Variants in RIPK2 observed in about 807,000 individuals in gnomAD.
The protein encoded by RIPK2 is receptor-interacting serine/threonine-protein kinase 2.
RIPK2 carries 38 observed loss-of-function variants against 60.9 expected under a neutral mutation model. The ratio of observed to expected loss-of-function variants is 0.62; its 90% CI spans 0.48 to 0.82. The LOEUF is 0.82. Ranked by LOEUF, RIPK2 falls within the 40% of genes least tolerant of loss-of-function variation. RIPK2 has a pLI of 0.00. For synonymous variants in RIPK2, 225 were observed against 223.4 expected, an observed-to-expected ratio of 1.01 and a Z score of -0.06; for missense variants, 518 against 647.0, an observed-to-expected ratio of 0.80 and a Z score of 2.16.
Position 89,757,820 on chromosome 8 carries a change from C to G in RIPK2, c.-241C>G. On this transcript the variant is annotated 5_prime_UTR_variant, in exon 1 of 11. Coordinates refer to ENST00000220751, the MANE Select transcript of RIPK2 (RefSeq NM_003821.6). ...GGGGCTGCGAGAGAGGAAGCTCTTTCGCGGCGCTACGGCGTTGGCACCAGT... is the reference window on the plus strand; with the variant it reads ...GGGGCTGCGAGAGAGGAAGCTCTTTGGCGGCGCTACGGCGTTGGCACCAGT... 1.6e-6 allele frequency: 2 copies of G among 1,252,066 alleles called. No individual in the cohort carries two copies. The highest frequency in any genetic ancestry group is 3.3e-5 in the East Asian group (1 of 30,680). 77.6% of individuals were successfully genotyped at this position (1,252,066 alleles called of 1,614,324 possible). A position where few individuals can be genotyped will look rare whatever the true frequency, so the allele number is the denominator to read the frequency against.
At chr8:89,764,567 C>A (rs1428393055) in intron 2 of RIPK2, among the ~76,000 whole-genome samples, 1 of 152,112 alleles carries the variant, frequency 6.6e-6, no homozygotes, top group Non-Finnish European at 1.5e-5. Context: ...AAAGTATGTT[C>A]ATTCTCCTGG....
At chr8:89,774,330 T>G (rs1586125594) in intron 6 of RIPK2, among the ~76,000 whole-genome samples, 1 of 152,152 alleles carries the variant, frequency 6.6e-6, no homozygotes, top group East Asian at 1.9e-4. Flanking sequence ...AAATGCAAAT[T>G]AAAACTGCAA....
At chr8:89,789,257 C>A in intron 9 of RIPK2, 64 bp from the exon 10 acceptor site, 1 of 1,399,126 alleles carries the variant, frequency 7.1e-7, no homozygotes, top group Non-Finnish European at 1.0e-6. Context: ...CAGATGTTGA[C>A]ATGTTAGCCA....
intron 7 of RIPK2, chr8:89,780,407 C>T (rs1479206608): frequency 1.3e-5 from 3 of 237,726 alleles, no homozygotes; most frequent in Non-Finnish European, 2.4e-5. Flanking sequence ...CGTGGTGACT[C>T]ACACCTGTAA....
intron 1 of RIPK2, among the ~76,000 whole-genome samples, chr8:89,760,177 T>C (rs1809121367): frequency 6.6e-6 from 1 of 152,116 alleles, no homozygotes; most frequent in South Asian, 2.1e-4. Flanking sequence ...AATACATGTG[T>C]TTCTCGGACT....
Position 89,790,363 on chromosome 8 carries a change from C to T in RIPK2, c.1570C>T (p.Leu524Phe). The stretch of plus-strand genomic sequence containing the variant: ...GGGTCTTCAGCCTTACCCGGAAATA[C>T]TTGTGGTTTCTAGATCACCATCTTT... ...QMGLQPYPEI[L>F]VVSRSPSLNL... Residue 524 changes from leucine to phenylalanine, a missense_variant, in exon 11 of 11, where the codon CTT (leucine) becomes TTT (phenylalanine). Leu to Phe is a conservative substitution (Grantham distance 22, BLOSUM62 0). Coordinates refer to ENST00000220751, the MANE Select transcript of RIPK2 (RefSeq NM_003821.6). 3 of 1,611,188 alleles carry T rather than the reference C, an allele frequency of 1.9e-6. No homozygotes were observed. The highest frequency in any genetic ancestry group is 2.5e-6 in the Non-Finnish European group (3 of 1,178,924).
chr8:89,765,294 G>A (rs760905691), intron 2 of RIPK2, 47 bp from the exon 3 acceptor site: 6 of 1,381,242 alleles, frequency 4.3e-6, no homozygotes, highest in East Asian at 4.6e-5. Context: ...GAAACATAGT[G>A]AAATTTGGAC....
intron 4 of RIPK2, among the ~76,000 whole-genome samples, chr8:89,770,545 T>TGG (rs1270804600): frequency 1.3e-5 from 2 of 151,896 alleles, no homozygotes; most frequent in African/African-American, 4.8e-5. Flanking sequence ...GTTTAGGAGA[T>TGG]GGGGACATTC....
intron 4 of RIPK2, among the ~76,000 whole-genome samples, chr8:89,770,782 T>G (rs780674489): frequency 2.6e-5 from 4 of 151,928 alleles, no homozygotes; most frequent in Non-Finnish European, 5.9e-5. Flanking sequence ...ATTTTAATTT[T>G]TGTTATTTCT....
chr8:89,779,299 GC>G (rs113376075), intron 6 of RIPK2, among the ~76,000 whole-genome samples: 5,141 of 115,320 alleles, frequency 0.045, 347 homozygotes, highest in African/African-American at 0.16. Context: ...CAATTTTTAG[GC>G]GGTTTTTGGG....
chr8:89,772,676 A>G lies in RIPK2; in HGVS notation c.701A>G (p.Asn234Ser), dbSNP rs201631696. 3 of 1,601,476 alleles carry G rather than the reference A, an allele frequency of 1.9e-6. No individual in the cohort carries two copies. The highest frequency in any genetic ancestry group is 2.2e-5 in the East Asian group (1 of 44,514). The part of the protein sequence containing the change: ...SRKQPFEDVT[N>S]PLQIMYSVSQ... ...CTATTTGTTTTGACAGATGTCACCA[A>G]TCCTTTGCAGATAATGTATAGTGTG... is the stretch of plus-strand genomic sequence containing the variant. The change falls in exon 6 of 11, where the codon AAT (asparagine) becomes AGT (serine). Residue 234 changes from asparagine to serine, a missense_variant. Asn to Ser is a conservative substitution (Grantham distance 46). This residue lies in a region of RIPK2 where 448 missense variants were observed against 534.7 expected (regional missense o/e 0.84). Coordinates refer to ENST00000220751, the MANE Select transcript of RIPK2 (RefSeq NM_003821.6).
chr8:89,758,018 G>A lies in RIPK2; in HGVS notation c.-43G>A, dbSNP rs773448053. ...CGGCGTGGGAGCCTTGGGAGCCGCC[G>A]CAGCAGGGGGCACACCCGGAACCGG... On this transcript the variant is annotated 5_prime_UTR_variant, in exon 1 of 11. Transcript: ENST00000220751. 178 of 1,502,122 alleles carry A rather than the reference G, an allele frequency of 1.2e-4. No individual in the cohort carries two copies. The highest frequency in any genetic ancestry group is 1.5e-4 in the Non-Finnish European group (166 of 1,121,142). The allele number at this position is 1,502,122 out of a possible 1,614,324, so 93.0% of individuals were successfully genotyped here.
chr8:89,769,919 G>T lies in RIPK2; in HGVS notation c.631G>T (p.Asp211Tyr). ...AAAATCAAGGGCCAGTATCAAGCAC[G>T]ATATATATAGGTAGAGTAAAGTTGC... is the stretch of plus-strand genomic sequence containing the variant. ...GQKSRASIKH[D>Y]IYSYAVITWE... The change falls in exon 4 of 11, where the codon GAT becomes TAT. Residue 211 changes from aspartate (D) to tyrosine (Y), a missense_variant. This residue lies in a region of RIPK2 where 448 missense variants were observed against 534.7 expected (regional missense o/e 0.84). Coordinates refer to ENST00000220751, the MANE Select transcript of RIPK2 (RefSeq NM_003821.6). 1 of 1,599,154 alleles carries T rather than the reference G, an allele frequency of 6.3e-7. No individual in the cohort carries two copies. The highest frequency in any genetic ancestry group is 1.4e-5 in the African/African-American group (1 of 73,744).
intron 1 of RIPK2, 146 bp from the exon 2 acceptor site, chr8:89,762,683 A>G (rs1308161557): frequency 2.3e-6 from 1 of 429,438 alleles, no homozygotes; most frequent in African/African-American, 2.0e-5. Context: ...TATTTTAAAT[A>G]TGATGAAACT....
At position 89,758,099 on chromosome 8, in the gene RIPK2, T is replaced by A. The variant is rs145668778; in HGVS notation, c.39T>A (p.Ile13=). The A allele has an allele frequency of 2.4e-4, 379 of 1,607,408 alleles. No individual in the cohort carries two copies. The highest frequency in any genetic ancestry group is 3.0e-4 in the Non-Finnish European group (359 of 1,177,466). ...CCATCTGCAGCGCCCTGCCCACCAT[T>A]CCCTACCACAAACTCGCCGACCTGC... is the stretch of plus-strand genomic sequence containing the variant. ...GEAICSALPT[I]PYHKLADLRY... The change falls in exon 1 of 11, where the codon ATT becomes ATA. Residue 13 remains isoleucine (I), a synonymous_variant. Coordinates refer to ENST00000220751, the MANE Select transcript of RIPK2 (RefSeq NM_003821.6).
At chr8:89,771,420 T>G (rs1809309186) in intron 4 of RIPK2, among the ~76,000 whole-genome samples, 1 of 151,894 alleles carries the variant, frequency 6.6e-6, no homozygotes, top group Non-Finnish European at 1.5e-5. Context: ...TTCTTGTTCT[T>G]TGTTCTTTGT....
In RIPK2 at chr8:89,764,246, C is replaced by T. The variant is rs34348409; in HGVS notation, c.328-1095C>T. Among the ~76,000 whole-genome samples, 1,005 of 152,248 alleles carry T rather than the reference C, an allele frequency of 6.6e-3. 7 individuals are homozygous for T. Among genetic ancestry groups the T allele is most frequent in the Admixed American group, 0.012 (180 of 15,288 alleles). ...GTATGCCAGAGAAAGTAATGTTCCA[C>T]GTCAGCTTTTTGTGTTTCTTTTGGT... On this transcript the variant is annotated intron_variant, in intron 2 of 10. Transcript: ENST00000220751.
At chr8:89,760,059 G>T (rs980920351) in intron 1 of RIPK2, among the ~76,000 whole-genome samples, 1 of 152,132 alleles carries the variant, frequency 6.6e-6, no homozygotes, top group African/African-American at 2.4e-5. Flanking sequence ...TCTCCAATTT[G>T]TTACTTAAGA....
At chr8:89,772,975 A>G (rs549981978) in intron 6 of RIPK2, 147 bp downstream of exon 6, 5 of 546,682 alleles carry the variant, frequency 9.1e-6, no homozygotes, top group Non-Finnish European at 1.3e-5. Context: ...GCATTTATAT[A>G]TGAGTAACTC....
Sources: gnomAD v4.1 joint callset for allele counts (sites outside exome capture counted in the v4.1 genomes callset) on GRCh38, gnomAD v4.1.1 for gene constraint, gnomAD v4.1.1 regional missense constraint, MANE v1.5 for transcripts, NCBI Gene and HGNC (gene_info 2026-07-23, HGNC 2026-07-21) for gene names.